The following RIMS1 variants were observed in gnomAD, a reference collection of about 807,000 sequenced individuals.
RIMS1 encodes regulating synaptic membrane exocytosis 1.
RIMS1 carries 83 observed loss-of-function variants against 214.1 expected under a neutral mutation model. The observed-to-expected ratio is 0.39, with a 90% CI of 0.32 to 0.47. The LOEUF (loss-of-function observed/expected upper bound fraction) is 0.47, where lower values mean the gene tolerates loss of function less well. Ranked by LOEUF, RIMS1 falls within the 20% of genes least tolerant of loss-of-function variation. The pLI, the probability that RIMS1 is intolerant of heterozygous loss-of-function variation, is 0.99. For missense variants in RIMS1, 2,050 were observed against 2,161.8 expected (o/e 0.95, Z 1.03); for synonymous variants, 793 against 786.8 (o/e 1.01, Z -0.13).
intron 27 of RIMS1, among the ~76,000 whole-genome samples, chr6:72,308,978 T>C (rs1264819316): frequency 2.0e-5 from 3 of 152,170 alleles, no homozygotes; most frequent in South Asian, 2.1e-4. Context: ...CCTCTACAGT[T>C]GGATGCAGTT....
chr6:72,088,341 C>G (rs1247546168), intron 2 of RIMS1, among the ~76,000 whole-genome samples: 1 of 151,778 alleles, frequency 6.6e-6, no homozygotes, highest in Non-Finnish European at 1.5e-5. Context: ...CTTTGCCTCC[C>G]AGGTTCAAGC....
At chr6:72,386,869 G>T (rs977474271) in intron 29 of RIMS1, among the ~76,000 whole-genome samples, 6 of 151,510 alleles carry the variant, frequency 4.0e-5, no homozygotes, top group Non-Finnish European at 8.8e-5. Context: ...GAGTAGCTGG[G>T]ACTACAGGCG....
intron 4 of RIMS1, among the ~76,000 whole-genome samples, chr6:72,115,450 C>T (rs1169706294): frequency 6.6e-6 from 1 of 151,744 alleles, no homozygotes; most frequent in African/African-American, 2.4e-5. Context: ...TTTGAGATTG[C>T]CTTTATCTAG....
At chr6:71,967,317 G>A (rs887402786) in intron 1 of RIMS1, among the ~76,000 whole-genome samples, 1 of 152,094 alleles carries the variant, frequency 6.6e-6, no homozygotes, top group Non-Finnish European at 1.5e-5. Flanking sequence ...GAACCTGGGA[G>A]ATGGAGCTTG....
intron 29 of RIMS1, among the ~76,000 whole-genome samples, chr6:72,380,343 A>G (rs1021840777): frequency 1.3e-5 from 2 of 152,160 alleles, no homozygotes; most frequent in African/African-American, 4.8e-5. Flanking sequence ...ACATGTATAC[A>G]TATGTAACAA....
At chr6:72,058,802 C>T (rs74807427) in intron 2 of RIMS1, among the ~76,000 whole-genome samples, 17,184 of 152,084 alleles carry the variant, frequency 0.11, 1,173 homozygotes, top group South Asian at 0.18. Context: ...CACAAAGTTT[C>T]GGGAAAAATG....
chr6:72,026,176 C>G (rs1816405256), intron 2 of RIMS1, among the ~76,000 whole-genome samples: 1 of 152,082 alleles, frequency 6.6e-6, no homozygotes, highest in Non-Finnish European at 1.5e-5. Flanking sequence ...TGGAGGTTGG[C>G]TACCACATTT....
intron 6 of RIMS1, chr6:72,213,177 G>T: frequency 6.5e-7 from 1 of 1,536,898 alleles, no homozygotes; most frequent in Non-Finnish European, 8.7e-7. Flanking sequence ...AGTGAGGTCT[G>T]TTGATTCCGA....
chr6:72,352,695 G>A (rs556898540), intron 29 of RIMS1, among the ~76,000 whole-genome samples: 1 of 152,028 alleles, frequency 6.6e-6, no homozygotes, highest in Admixed American at 6.6e-5. Flanking sequence ...AATCCATATC[G>A]CAAAAGTATA....
At chr6:72,235,874 T>G (rs1003015607) in intron 8 of RIMS1, 146 bp downstream of exon 8, 25 of 377,316 alleles carry the variant, frequency 6.6e-5, no homozygotes, top group Non-Finnish European at 1.0e-4. Flanking sequence ...TTAGGAAAAT[T>G]GAATAAAATT....
At chr6:71,966,126 T>C (rs768366628) in intron 1 of RIMS1, among the ~76,000 whole-genome samples, 1 of 152,198 alleles carries the variant, frequency 6.6e-6, no homozygotes, top group Non-Finnish European at 1.5e-5. Flanking sequence ...AACAAAAATC[T>C]TGTGATTAGA....
At chr6:72,326,752 G>A (rs62407509) in intron 28 of RIMS1, among the ~76,000 whole-genome samples, 11,002 of 151,794 alleles carry the variant, frequency 0.072, 700 homozygotes, top group East Asian at 0.34. Flanking sequence ...AGAAAAATGG[G>A]GAATTGGGGT....
intron 1 of RIMS1, among the ~76,000 whole-genome samples, chr6:71,935,463 A>G (rs180811982): frequency 1.3e-5 from 2 of 152,396 alleles, no homozygotes; most frequent in African/African-American, 2.4e-5. Flanking sequence ...CAAAAAATTT[A>G]TAATCACATA....
chr6:72,124,370 G>A (rs1332507996), intron 4 of RIMS1, among the ~76,000 whole-genome samples: 5 of 151,934 alleles, frequency 3.3e-5, no homozygotes, highest in Admixed American at 1.3e-4. Flanking sequence ...TTCCCTTTGT[G>A]GGTAACCCGA....
intron 3 of RIMS1, among the ~76,000 whole-genome samples, 184 bp downstream of exon 3, chr6:72,097,346 A>G (rs1412368147): frequency 6.6e-6 from 1 of 152,232 alleles, no homozygotes; most frequent in Admixed American, 6.5e-5. Flanking sequence ...AGTAATTCCT[A>G]AAAAGAACTT....
intron 4 of RIMS1, among the ~76,000 whole-genome samples, chr6:72,128,252 T>G (rs929438636): frequency 2.0e-5 from 3 of 152,148 alleles, no homozygotes; most frequent in Non-Finnish European, 2.9e-5. Context: ...AAAAAAGATG[T>G]ACATACATTT....
intron 2 of RIMS1, among the ~76,000 whole-genome samples, chr6:72,017,262 TG>T (rs552658424): frequency 3.4e-4 from 52 of 152,226 alleles, no homozygotes; most frequent in Non-Finnish European, 5.7e-4. Flanking sequence ...TTCATTTTAA[TG>T]GGAGCACATT....
chr6:72,125,657 T>C (rs1206506722), intron 4 of RIMS1, among the ~76,000 whole-genome samples: 1 of 152,226 alleles, frequency 6.6e-6, no homozygotes, highest in Non-Finnish European at 1.5e-5. Flanking sequence ...TCGAGCTTCC[T>C]GGATGCTTTG....
intron 1 of RIMS1, among the ~76,000 whole-genome samples, chr6:71,896,376 A>G (rs1338705886): frequency 1.3e-5 from 2 of 152,186 alleles, no homozygotes; most frequent in Non-Finnish European, 2.9e-5. Flanking sequence ...TGGTCTAAGT[A>G]TCATGCCAGA....
Sources: allele counts gnomAD v4.1 joint callset (sites outside exome capture counted in the v4.1 genomes callset), GRCh38; gene constraint gnomAD v4.1.1; transcripts MANE v1.5; gene names NCBI Gene and HGNC (gene_info 2026-07-23, HGNC 2026-07-21).